The following CYP4F22 variants were observed in gnomAD, a reference collection of about 807,000 sequenced individuals.
CYP4F22 encodes the protein ultra-long-chain fatty acid omega-hydroxylase.
A neutral mutation model predicts 60.4 loss-of-function variants in CYP4F22; 37 were observed. The observed-to-expected ratio is 0.61, with a 90% CI of 0.47 to 0.81. The LOEUF (loss-of-function observed/expected upper bound fraction) is 0.81, where lower values mean the gene tolerates loss of function less well. CYP4F22 is among the 30% of genes least tolerant of loss of function. The pLI is 0.00. For synonymous variants in CYP4F22, 258 were observed against 280.5 expected, an observed-to-expected ratio of 0.92 and a Z score of 0.80; for missense variants, 655 against 715.0, an observed-to-expected ratio of 0.92 and a Z score of 0.96.
At chr19:15,513,039 C>A (rs1971110376) in intron 1 of CYP4F22, among the ~76,000 whole-genome samples, 1 of 151,724 alleles carries the variant, frequency 6.6e-6, no homozygotes, top group Non-Finnish European at 1.5e-5. Context: ...TTATTGGTGA[C>A]AAACACTAAG....
intron 13 of CYP4F22, 151 bp downstream of exon 13, chr19:15,550,907 C>G: frequency 1.1e-6 from 1 of 927,298 alleles, no homozygotes. Flanking sequence ...GCCAGGAGGC[C>G]CCCAAATCAG....
rs781757068 is a variant in CYP4F22, at chr19:15,537,363, G to T, written c.370G>T (p.Ala124Ser). The change falls in exon 5 of 14, where the codon GCC (alanine) becomes TCC (serine). Residue 124 changes from alanine to serine, a missense_variant and splice_region_variant. Transcript: ENST00000269703. ...YIKPLLGASAAIAPKDDLFYG... is the reference protein window; with the variant it reads ...YIKPLLGASASIAPKDDLFYG... ...CATTTTCCCTTTGCCCTCCACAGCT[G>T]CCATCGCCCCCAAGGATGACCTCTT... 7 of 1,614,076 alleles carry T rather than the reference G, an allele frequency of 4.3e-6. No individual in the cohort carries two copies. The Admixed American group carries it at 1.2e-4, about 27-fold the overall frequency.
intron 3 of CYP4F22, 41 bp downstream of exon 3, chr19:15,525,599 C>A: frequency 6.3e-7 from 1 of 1,582,546 alleles, no homozygotes; most frequent in Non-Finnish European, 8.6e-7. Context: ...CTGGGCTGGG[C>A]ATGTGCAGGG....
chr19:15,547,986 AGAGAGAGAGGGAGAGAGTGTGTGT>A, intron 10 of CYP4F22, 98 bp from the exon 11 acceptor site: 4 of 721,224 alleles, frequency 5.5e-6, no homozygotes, highest in South Asian at 3.7e-5. Context: ...AGAGAGAGAG[AGAGAGAGAGGGAGAGAGTGTGTGT>A]GTGTGTGTGT....
chr19:15,511,703 T>C (rs565326699), intron 1 of CYP4F22, among the ~76,000 whole-genome samples: 5 of 152,164 alleles, frequency 3.3e-5, no homozygotes, highest in Admixed American at 1.3e-4. Context: ...GTTGGGGTGC[T>C]CTTCCATCAG....
In CYP4F22 at chr19:15,534,939, G is replaced by T. The variant is rs183589569; in HGVS notation, c.368-2422G>T. On this transcript the variant is annotated intron_variant, in intron 4 of 13. Coordinates refer to ENST00000269703, the MANE Select transcript of CYP4F22 (RefSeq NM_173483.4). Reference sequence around the variant, plus strand: ...TGATATGTTGGGGGGAATAGGAAATGAGACTGACAGTTAAGCAGGAACTGG... The same window carrying T: ...TGATATGTTGGGGGGAATAGGAAATTAGACTGACAGTTAAGCAGGAACTGG... 2.6e-5 allele frequency among the ~76,000 whole-genome samples: 4 copies of T among 152,286 alleles called. No individual in the cohort carries two copies. In the East Asian group the frequency reaches 7.7e-4, roughly 29 times the overall value.
intron 4 of CYP4F22, among the ~76,000 whole-genome samples, chr19:15,530,478 T>C (rs1971330964): frequency 6.6e-6 from 1 of 152,120 alleles, no homozygotes; most frequent in African/African-American, 2.4e-5. Flanking sequence ...AGCTCTATCT[T>C]CCTCATGAGC....
chr19:15,551,306 A>G lies in CYP4F22; in HGVS notation c.1431A>G (p.Gly477=). 6.2e-7 allele frequency: 1 copy of G among 1,612,948 alleles called. No homozygotes were observed. The highest frequency in any genetic ancestry group is 8.5e-7 in the Non-Finnish European group (1 of 1,179,550). ...CCTCTTCCTCCAGGAATTGCATCGG[A>G]CAGAGCTTCGCCATGGCCGAGTTGC... ...PFSAGPRNCI[G]QSFAMAELRV... is the part of the protein sequence containing the mutation. Residue 477 remains glycine, a synonymous_variant, in exon 14 of 14, where the codon GGA becomes GGG. Coordinates refer to ENST00000269703, the MANE Select transcript of CYP4F22 (RefSeq NM_173483.4).
At chr19:15,532,228 T>A (rs1264611062) in intron 4 of CYP4F22, among the ~76,000 whole-genome samples, 6 of 151,564 alleles carry the variant, frequency 4.0e-5, no homozygotes, top group Non-Finnish European at 7.4e-5. Flanking sequence ...CTTCTCCTCC[T>A]CCTTCTACTT....
At chr19:15,532,124 AT>A (rs954366543) in intron 4 of CYP4F22, among the ~76,000 whole-genome samples, 5 of 151,518 alleles carry the variant, frequency 3.3e-5, no homozygotes, top group African/African-American at 1.2e-4. Context: ...TAAAAAAAAA[AT>A]AATATGGATA....
intron 1 of CYP4F22, chr19:15,515,308 G>C (rs1175079278): frequency 8.7e-7 from 1 of 1,146,552 alleles, no homozygotes; most frequent in Non-Finnish European, 1.3e-6. Flanking sequence ...GTATATGTTG[G>C]GATTTTATAA....
chr19:15,528,394 T>A (rs183036376), intron 3 of CYP4F22, among the ~76,000 whole-genome samples: 5 of 151,994 alleles, frequency 3.3e-5, no homozygotes, highest in Admixed American at 3.3e-4. Flanking sequence ...CCCCCAGGAG[T>A]GACCCTCAAC....
chr19:15,520,090 A>T (rs1446201334), intron 1 of CYP4F22, among the ~76,000 whole-genome samples: 1 of 152,128 alleles, frequency 6.6e-6, no homozygotes, highest in Non-Finnish European at 1.5e-5. Flanking sequence ...CAAGCCTGTA[A>T]TCCCAGCACT....
At chr19:15,537,240 G>A in intron 4 of CYP4F22, 121 bp from the exon 5 acceptor site, 2 of 1,298,458 alleles carry the variant, frequency 1.5e-6, no homozygotes, top group Non-Finnish European at 2.2e-6. Flanking sequence ...GGCGGAGGTT[G>A]CAGTGAGTGG....
chr19:15,520,219 G>A (rs7253936), intron 1 of CYP4F22, among the ~76,000 whole-genome samples: 2,667 of 151,572 alleles, frequency 0.018, 90 homozygotes, highest in African/African-American at 0.061. Context: ...GGTGGTGGGC[G>A]CCTATAGTCC....
At chr19:15,542,835 A>G (rs1484829664) in intron 8 of CYP4F22, among the ~76,000 whole-genome samples, 1 of 152,120 alleles carries the variant, frequency 6.6e-6, no homozygotes, top group African/African-American at 2.4e-5. Context: ...TTAGGTTGCT[A>G]AGGATGATGG....
intron 1 of CYP4F22, among the ~76,000 whole-genome samples, chr19:15,520,024 C>G (rs571640252): frequency 1.1e-4 from 16 of 152,096 alleles, no homozygotes; most frequent in Non-Finnish European, 2.2e-4. Context: ...TGTGTGTGCG[C>G]GTGCACAAGT....
rs77107985 is a variant in CYP4F22, at chr19:15,546,998, A to G, written c.1137-1110A>G. Among the ~76,000 whole-genome samples the G allele has an allele frequency of 3.6e-3, 481 of 132,468 alleles. 6 individuals carry two copies. The highest frequency in any genetic ancestry group is 5.4e-3 in the Non-Finnish European group (350 of 64,776). 86.9% of individuals were successfully genotyped at this position (132,468 alleles called of 152,430 possible). On this transcript the variant is annotated intron_variant, in intron 10 of 13. Transcript: ENST00000269703. ...AGTGCTGGGATTACAGGTATGAGCCACCATGCCTGGCCTGCACCAGTTTTT... is the reference window on the plus strand; with the variant it reads ...AGTGCTGGGATTACAGGTATGAGCCGCCATGCCTGGCCTGCACCAGTTTTT...
At chr19:15,543,941 G>A (rs1294245753) in intron 8 of CYP4F22, 30 bp from the exon 9 acceptor site, 1 of 1,613,494 alleles carries the variant, frequency 6.2e-7, no homozygotes, top group African/African-American at 1.3e-5. Flanking sequence ...GGGATGAAGT[G>A]GGCTGAGCAC....
Sources: allele counts gnomAD v4.1 joint callset (sites outside exome capture counted in the v4.1 genomes callset), GRCh38; gene constraint gnomAD v4.1.1; transcripts MANE v1.5; gene names NCBI Gene and HGNC (gene_info 2026-07-23, HGNC 2026-07-21).